Variants in GLDC observed in about 807,000 individuals in gnomAD.
GLDC encodes glycine dehydrogenase (decarboxylating), mitochondrial.
A neutral mutation model predicts 121.3 loss-of-function variants in GLDC; 104 were observed. The ratio of observed to expected loss-of-function variants is 0.86; its 90% CI spans 0.73 to 1.01. The LOEUF (loss-of-function observed/expected upper bound fraction) is 1.01, where lower values mean the gene tolerates loss of function less well. Among genes scored for constraint, GLDC ranks in the 50% least tolerant of loss-of-function variants. The pLI, the probability that GLDC is intolerant of heterozygous loss-of-function variation, is 0.00. For synonymous variants in GLDC, 546 were observed against 480.6 expected (o/e 1.14, Z -1.78); for missense variants, 1,429 against 1,306.6 (o/e 1.09, Z -1.44).
intron 3 of GLDC, among the ~76,000 whole-genome samples, chr9:6,618,836 C>T (rs935488768): frequency 6.6e-6 from 1 of 152,074 alleles, no homozygotes; most frequent in Non-Finnish European, 1.5e-5. Flanking sequence ...AACACACACA[C>T]ACACCCCTAG....
chr9:6,598,520 G>C lies in GLDC; in HGVS notation c.1156-3401C>G, dbSNP rs1285447597. Among the ~76,000 whole-genome samples the C allele has an allele frequency of 3.3e-5, 5 of 152,338 alleles. No individual in the cohort carries two copies. The East Asian group carries it at 7.7e-4, about 24-fold the overall frequency. Reference sequence around the variant, plus strand: ...CCCCAGTGACAAGAGAGAAGAGCAAGAGTGAGAAGAATGTGGAACAGCTGC... The same window carrying C: ...CCCCAGTGACAAGAGAGAAGAGCAACAGTGAGAAGAATGTGGAACAGCTGC... On this transcript the variant is annotated intron_variant, in intron 8 of 24. Coordinates refer to ENST00000321612, the MANE Select transcript of GLDC (RefSeq NM_000170.3).
chr9:6,600,671 T>C (rs928937356), intron 8 of GLDC, among the ~76,000 whole-genome samples: 1 of 148,332 alleles, frequency 6.7e-6, no homozygotes, highest in Non-Finnish European at 1.5e-5. Flanking sequence ...GGACTCTATC[T>C]CAAAGAAGAA....
chr9:6,603,530 T>A (rs1818662167), intron 7 of GLDC, among the ~76,000 whole-genome samples: 1 of 143,490 alleles, frequency 7.0e-6, no homozygotes, highest in South Asian at 2.3e-4. Flanking sequence ...AGACTTGGTC[T>A]CAAAATAAAT....
chr9:6,588,452 G>T lies in GLDC; in HGVS notation c.1666-10C>A, dbSNP rs1160024508. 6.2e-7 allele frequency: 1 copy of T among 1,608,982 alleles called. No individual in the cohort carries two copies. Among genetic ancestry groups the T allele is most frequent in the Non-Finnish European group, 8.5e-7 (1 of 1,175,376 alleles). On this transcript the variant is annotated splice_polypyrimidine_tract_variant and intron_variant, in intron 13 of 24. Transcript: ENST00000321612. ...TCATGGTGCAGGATCCCTTTAAGAA[G>T]AACATCCAAAATGTATCACATTAGT... is the stretch of plus-strand genomic sequence containing the variant.
At chr9:6,573,236 G>A (rs1817998988) in intron 15 of GLDC, among the ~76,000 whole-genome samples, 1 of 152,004 alleles carries the variant, frequency 6.6e-6, no homozygotes, top group Non-Finnish European at 1.5e-5. Context: ...GGAGGCAGGT[G>A]GATCACCTGA....
intron 11 of GLDC, among the ~76,000 whole-genome samples, chr9:6,589,697 G>C (rs568815765): frequency 2.0e-5 from 3 of 152,110 alleles, no homozygotes; most frequent in Non-Finnish European, 2.9e-5. Flanking sequence ...AAAGTGCTGG[G>C]ATTACAGTCA....
At chr9:6,552,017 C>T (rs1348075076) in intron 20 of GLDC, among the ~76,000 whole-genome samples, 1 of 152,078 alleles carries the variant, frequency 6.6e-6, no homozygotes, top group African/African-American at 2.4e-5. Context: ...AAAGAATCCC[C>T]TAAGGATTTC....
At chr9:6,591,158 G>T (rs988332778) in intron 11 of GLDC, among the ~76,000 whole-genome samples, 1 of 152,114 alleles carries the variant, frequency 6.6e-6, no homozygotes, top group Non-Finnish European at 1.5e-5. Context: ...CATTATTTTA[G>T]AAAGCAACTC....
chr9:6,558,592 A>G lies in GLDC; in HGVS notation c.2019T>C (p.Tyr673=), dbSNP rs774506115. Residue 673 remains tyrosine, a synonymous_variant, in exon 17 of 25, where the codon TAT becomes TAC. Transcript: ENST00000321612. ...MKIQPVEVDK[Y]GNIDAVHLKA... ...TGAGGTGAACTGCATCGATATTCCC[A>G]TATTTATCCACCTCCACAGGCTGAA... The G allele has an allele frequency of 1.7e-5, 27 of 1,614,074 alleles. No homozygotes were observed. The highest frequency in any genetic ancestry group is 2.2e-5 in the East Asian group (1 of 44,900).
At chr9:6,628,527 C>T (rs1402631098) in intron 2 of GLDC, among the ~76,000 whole-genome samples, 3 of 152,196 alleles carry the variant, frequency 2.0e-5, no homozygotes, top group Non-Finnish European at 2.9e-5. Context: ...CAGTGGCTCA[C>T]GCCTGTTAAT....
At chr9:6,539,689 G>A (rs1450470247) in intron 22 of GLDC, among the ~76,000 whole-genome samples, 3 of 152,052 alleles carry the variant, frequency 2.0e-5, no homozygotes, top group Non-Finnish European at 2.9e-5. Context: ...AAACAGCTAC[G>A]CCATGACAGA....
chr9:6,610,145 C>T (rs753201934), intron 4 of GLDC, 47 bp downstream of exon 4: 15 of 1,433,150 alleles, frequency 1.0e-5, no homozygotes, highest in Admixed American at 3.8e-5. Flanking sequence ...CAAGGCCAGG[C>T]GAGGTGGCCC....
intron 2 of GLDC, 115 bp from the exon 3 acceptor site, chr9:6,620,434 A>C (rs1453240533): frequency 5.5e-6 from 5 of 904,398 alleles, no homozygotes; most frequent in Non-Finnish European, 9.0e-6. Flanking sequence ...TATATGGAAA[A>C]TGTAAGAGTC....
chr9:6,534,141 C>T, intron 24 of GLDC: 1 of 152,276 alleles, frequency 6.6e-6, no homozygotes, highest in African/African-American at 2.5e-5. Context: ...CAGGATCATG[C>T]CACTGCACTC....
At position 6,546,634 on chromosome 9, in the gene GLDC, A is replaced by AT. The variant is rs370336955; in HGVS notation, c.2569+4168dup. ...GCCCTGAAGCTGTTTTACAGTTAAC[A>AT]TTTTTTTTTTACAGTAGAAGGAATA... On this transcript the variant is annotated intron_variant, in intron 21 of 24. Coordinates refer to ENST00000321612, the MANE Select transcript of GLDC (RefSeq NM_000170.3). Among the ~76,000 whole-genome samples, 471 of 148,364 alleles carry AT rather than the reference A, an allele frequency of 3.2e-3. 2 individuals carry two copies. The highest frequency in any genetic ancestry group is 9.9e-3 in the African/African-American group (403 of 40,548).
chr9:6,553,853 G>A (rs974696452), intron 19 of GLDC, among the ~76,000 whole-genome samples: 13 of 152,148 alleles, frequency 8.5e-5, no homozygotes, highest in African/African-American at 3.1e-4. Context: ...GGACATAGGA[G>A]GGGCTGATGA....
Position 6,645,378 on chromosome 9 carries a change from C to G in GLDC, c.122G>C (p.Gly41Ala). ...APRSRDSSSG[G>A]GDSAAAGASR... Reference sequence around the variant, plus strand: ...GGCCCCAGCCGCGGCGCTGTCCCCGCCGCCACTGCTGCTGTCCCGGCTCCG... The same window carrying G: ...GGCCCCAGCCGCGGCGCTGTCCCCGGCGCCACTGCTGCTGTCCCGGCTCCG... The change falls in exon 1 of 25, where the codon GGC becomes GCC. Residue 41 changes from glycine to alanine, a missense_variant. Coordinates refer to ENST00000321612, the MANE Select transcript of GLDC (RefSeq NM_000170.3). The G allele has an allele frequency of 6.5e-7, 1 of 1,539,504 alleles. No homozygotes were observed. Among genetic ancestry groups the G allele is most frequent in the South Asian group, 1.2e-5 (1 of 82,996 alleles).
chr9:6,533,680 G>T (rs1817048459), intron 24 of GLDC, among the ~76,000 whole-genome samples: 1 of 151,830 alleles, frequency 6.6e-6, no homozygotes, highest in Non-Finnish European at 1.5e-5. Flanking sequence ...TCGACATGGA[G>T]AAACCCCATC....
At chr9:6,642,201 A>C (rs994462990) in intron 2 of GLDC, among the ~76,000 whole-genome samples, 4 of 152,204 alleles carry the variant, frequency 2.6e-5, no homozygotes, top group Admixed American at 6.5e-5. Context: ...AACTAGATGG[A>C]ACAAGCTCAA....
Sources: gnomAD v4.1 joint callset for allele counts (sites outside exome capture counted in the v4.1 genomes callset) on GRCh38, gnomAD v4.1.1 for gene constraint, MANE v1.5 for transcripts, NCBI Gene and HGNC (gene_info 2026-07-23, HGNC 2026-07-21) for gene names.